The following TBC1D8 variants were observed in gnomAD, a reference collection of about 807,000 sequenced individuals.
TBC1D8 encodes TBC1 domain family member 8.
A neutral mutation model predicts 118.8 loss-of-function variants in TBC1D8; 65 were observed. The observed-to-expected ratio is 0.55, with a 90% CI of 0.45 to 0.67. The LOEUF is 0.67. Ranked by LOEUF, TBC1D8 falls within the 30% of genes least tolerant of loss-of-function variation. The probability of loss-of-function intolerance (pLI) is 0.00; values close to 1 mark genes in which losing one functional copy is unlikely to be tolerated. For synonymous variants in TBC1D8, 566 were observed against 595.8 expected, an observed-to-expected ratio of 0.95 and a Z score of 0.73; for missense variants, 1,376 against 1,471.2, an observed-to-expected ratio of 0.94 and a Z score of 1.06.
At position 101,054,304 on chromosome 2, in the gene TBC1D8, G is replaced by C. The variant is rs375402612; in HGVS notation, c.435C>G (p.Leu145=). The C allele has an allele frequency of 1.3e-6, 2 of 1,574,070 alleles. No homozygotes were observed. The highest frequency in any genetic ancestry group is 1.7e-6 in the Non-Finnish European group (2 of 1,159,246). The change falls in exon 4 of 20, where the codon CTC becomes CTG. Residue 145 remains leucine, a synonymous_variant. Coordinates refer to ENST00000409318, the MANE Select transcript of TBC1D8 (RefSeq NM_001330348.2). Reference sequence around the variant, plus strand: ...TCTCGGGTTCCTCCTCCTGCTCGGCGAGCCTGCTGCTGGTCTCCTCGGCTA... The same window carrying C: ...TCTCGGGTTCCTCCTCCTGCTCGGCCAGCCTGCTGCTGGTCTCCTCGGCTA... ...ALIAEETSSR[L]AEQEEEPEKF...
At chr2:101,111,059 A>G (rs1677557937) in intron 1 of TBC1D8, among the ~76,000 whole-genome samples, 1 of 152,058 alleles carries the variant, frequency 6.6e-6, no homozygotes, top group South Asian at 2.1e-4. Flanking sequence ...GAAAAAGACC[A>G]CATGAAGTCC....
chr2:101,029,707 A>C lies in TBC1D8; in HGVS notation c.2006T>G (p.Met669Arg). The C allele has an allele frequency of 6.2e-7, 1 of 1,613,968 alleles. No homozygotes were observed. Among genetic ancestry groups the C allele is most frequent in the Non-Finnish European group, 8.5e-7 (1 of 1,179,874 alleles). Residue 669 changes from methionine to arginine, a missense_variant, in exon 12 of 20, where the codon ATG (methionine) becomes AGG (arginine). Transcript: ENST00000409318. ...KGHLPELAEH[M>R]NDLSALASVS... ...GGACGCCAGGGCTGAGAGGTCGTTCATGTGCTCTGCCAGCTCTGGGAGATG... is the reference window on the plus strand; with the variant it reads ...GGACGCCAGGGCTGAGAGGTCGTTCCTGTGCTCTGCCAGCTCTGGGAGATG...
At chr2:101,011,283 C>A (rs1679188597) in intron 18 of TBC1D8, 168 bp downstream of exon 18, 1 of 748,242 alleles carries the variant, frequency 1.3e-6, no homozygotes, top group Admixed American at 2.8e-5. Context: ...CCCAGCAACA[C>A]CCCCACTAGG....
chr2:101,147,365 A>G (rs143026897), intron 1 of TBC1D8, among the ~76,000 whole-genome samples: 1 of 152,090 alleles, frequency 6.6e-6, no homozygotes. Flanking sequence ...CAGCAGCTAC[A>G]TTTTCAGTTT....
intron 1 of TBC1D8, among the ~76,000 whole-genome samples, chr2:101,148,935 G>A (rs1679431476): frequency 6.6e-6 from 1 of 152,120 alleles, no homozygotes; most frequent in Admixed American, 6.5e-5. Flanking sequence ...TGTCCCATGG[G>A]TCTTGACTTT....
chr2:101,113,292 G>A (rs947582672), intron 1 of TBC1D8, among the ~76,000 whole-genome samples: 2 of 151,838 alleles, frequency 1.3e-5, no homozygotes, highest in African/African-American at 4.8e-5. Flanking sequence ...TTGCCACTCA[G>A]CAATAACTAA....
Position 101,028,427 on chromosome 2 carries a change from A to G in TBC1D8, c.2228T>C (p.Leu743Pro). 1.3e-6 allele frequency: 2 copies of G among 1,571,990 alleles called. No homozygotes were observed. The highest frequency in any genetic ancestry group is 2.4e-5 in the South Asian group (2 of 84,578). Residue 743 changes from leucine to proline, a missense_variant, in exon 13 of 20, where the codon CTA becomes CCA. Transcript: ENST00000409318. ...GQALMILSRF[L>P]DHIKNEDSPG... ...GCTGTCCTCATTCTTAATGTGATCT[A>G]GAAACCTGAACACACCGCCCCGTCA...
At chr2:101,142,800 G>T (rs1011614172) in intron 1 of TBC1D8, among the ~76,000 whole-genome samples, 2 of 152,068 alleles carry the variant, frequency 1.3e-5, no homozygotes, top group African/African-American at 2.4e-5. Flanking sequence ...CATAATCCAG[G>T]GTAGTGGTGC....
At chr2:101,052,836 T>C (rs1682158553) in intron 4 of TBC1D8, among the ~76,000 whole-genome samples, 1 of 152,242 alleles carries the variant, frequency 6.6e-6, no homozygotes, top group Non-Finnish European at 1.5e-5. Context: ...AATACCACTT[T>C]CAGTGCTTTA....
At chr2:101,053,747 G>A (rs372148325) in intron 4 of TBC1D8, among the ~76,000 whole-genome samples, 4 of 152,154 alleles carry the variant, frequency 2.6e-5, no homozygotes, top group East Asian at 1.9e-4. Context: ...GACCTTCAGC[G>A]CCAGGAATTT....
chr2:101,075,740 T>C (rs1267563289), intron 2 of TBC1D8, among the ~76,000 whole-genome samples: 1 of 152,180 alleles, frequency 6.6e-6, no homozygotes, highest in Non-Finnish European at 1.5e-5. Context: ...TAAACCTCTT[T>C]CCTTTATAAA....
At chr2:101,130,589 A>G (rs1391157761) in intron 1 of TBC1D8, among the ~76,000 whole-genome samples, 3 of 152,222 alleles carry the variant, frequency 2.0e-5, no homozygotes, top group African/African-American at 7.2e-5. Flanking sequence ...CAAAAAGTCA[A>G]TTTTTTGTGG....
intron 1 of TBC1D8, among the ~76,000 whole-genome samples, chr2:101,098,533 ACT>A (rs761083172): frequency 1.6e-4 from 25 of 152,112 alleles, no homozygotes; most frequent in Non-Finnish European, 3.2e-4. Flanking sequence ...CATCTACAGA[ACT>A]CTCTACCCCA....
At chr2:101,025,475 C>T (rs183422930) in intron 15 of TBC1D8, among the ~76,000 whole-genome samples, 1 of 152,302 alleles carries the variant, frequency 6.6e-6, no homozygotes, top group East Asian at 1.9e-4. Context: ...GATTCGGCCT[C>T]CCAAAGTGCT....
intron 2 of TBC1D8, among the ~76,000 whole-genome samples, chr2:101,087,358 C>T (rs1296716223): frequency 2.0e-5 from 3 of 151,846 alleles, no homozygotes; most frequent in Admixed American, 1.3e-4. Flanking sequence ...GGATTGGGGC[C>T]GGATGCAGTG....
rs1420060722 is a variant in TBC1D8 at position 101,040,208 on chromosome 2, G to A, written c.1050C>T (p.Gly350=). The change falls in exon 6 of 20, where the codon GGC becomes GGT. Residue 350 remains glycine, a synonymous_variant. Transcript: ENST00000409318. The part of the protein sequence containing the change: ...SYICFASRED[G]CCKIILPLRE... ...TGAGTGGCAGGATGATCTTACAGCA[G>A]CCATCTTCTCTGCTGGCAAAGCAGA... The A allele has an allele frequency of 1.2e-6, 2 of 1,613,894 alleles. No homozygotes were observed. Among genetic ancestry groups the A allele is most frequent in the African/African-American group, 1.3e-5 (1 of 74,938 alleles).
Position 101,010,963 on chromosome 2 carries a change from T to G in TBC1D8, c.2981A>C (p.Asp994Ala), listed in dbSNP as rs766077739. ...TTTGGGCAATTCTTTCTCAGTTTTA[T>G]CTTTTTCTTTGGCTAAATCCTTAAT... ...QMIKDLAKEK[D>A]KTEKELPKMS... The change falls in exon 19 of 20, where the codon GAT becomes GCT. Residue 994 changes from aspartate (D) to alanine (A), a missense_variant. Coordinates refer to ENST00000409318, the MANE Select transcript of TBC1D8 (RefSeq NM_001330348.2). 3 of 1,613,116 alleles carry G rather than the reference T, an allele frequency of 1.9e-6. No homozygotes were observed. Among genetic ancestry groups the G allele is most frequent in the African/African-American group, 2.7e-5 (2 of 75,056 alleles).
At chr2:101,116,355 A>T (rs1176672446) in intron 1 of TBC1D8, among the ~76,000 whole-genome samples, 1 of 152,168 alleles carries the variant, frequency 6.6e-6, no homozygotes, top group African/African-American at 2.4e-5. Flanking sequence ...TCTGCTCTGT[A>T]TCAGCTGTGT....
intron 15 of TBC1D8, among the ~76,000 whole-genome samples, chr2:101,023,026 TC>T (rs1430015067): frequency 6.6e-6 from 1 of 151,894 alleles, no homozygotes; most frequent in African/African-American, 2.4e-5. Context: ...GCACCTGTGA[TC>T]CCAGCTACTC....
Sources: gnomAD v4.1 joint callset for allele counts (sites outside exome capture counted in the v4.1 genomes callset) on GRCh38, gnomAD v4.1.1 for gene constraint, MANE v1.5 for transcripts, NCBI Gene and HGNC (gene_info 2026-07-23, HGNC 2026-07-21) for gene names.